The following TMEM169 variants were observed in gnomAD, a reference collection of about 807,000 sequenced individuals.
The protein encoded by TMEM169 is transmembrane protein 169.
In TMEM169, 18 loss-of-function variants were observed where a neutral mutation model predicts 27.3. The ratio of observed to expected loss-of-function variants is 0.66; its 90% CI spans 0.46 to 0.98. The LOEUF (loss-of-function observed/expected upper bound fraction) is 0.98. TMEM169 is among the 50% of genes least tolerant of loss of function. The pLI, the probability that TMEM169 is intolerant of heterozygous loss-of-function variation, is 0.00. For missense variants in TMEM169, 320 were observed against 368.6 expected (o/e 0.87, Z 1.08); for synonymous variants, 136 against 142.1 (o/e 0.96, Z 0.30).
At chr2:216,096,518 C>A (rs1696268326) in intron 2 of TMEM169, among the ~76,000 whole-genome samples, 1 of 152,130 alleles carries the variant, frequency 6.6e-6, no homozygotes, top group African/African-American at 2.4e-5. Context: ...GCATGTGCCA[C>A]CATGCCGGGC....
intron 1 of TMEM169, among the ~76,000 whole-genome samples, chr2:216,085,793 C>A (rs1003379213): frequency 6.6e-6 from 1 of 151,826 alleles, no homozygotes; most frequent in Admixed American, 6.6e-5. Flanking sequence ...ATCGCTTAAA[C>A]CCAGGAGGCA....
At chr2:216,087,098 GA>G (rs1169771343) in intron 1 of TMEM169, among the ~76,000 whole-genome samples, 2 of 152,136 alleles carry the variant, frequency 1.3e-5, no homozygotes, top group African/African-American at 4.8e-5. Context: ...AGCCAGGCTT[GA>G]AAGATGTGGA....
In TMEM169 at chr2:216,095,983, T is replaced by C. The variant is rs1696253029; in HGVS notation, c.20T>C (p.Val7Ala). The C allele has an allele frequency of 1.9e-6, 3 of 1,613,518 alleles. No homozygotes were observed. The highest frequency in any genetic ancestry group is 2.7e-5 in the African/African-American group (2 of 74,882). The change falls in exon 2 of 3, where the codon GTA becomes GCA. Residue 7 changes from valine to alanine, a missense_variant. By Grantham distance (64) the Val-to-Ala change is moderately conservative (BLOSUM62 0). Coordinates refer to ENST00000437356, the MANE Select transcript of TMEM169 (RefSeq NM_001142311.2). MEEPTA[V>A]EGQVQLPSPH... ...TCTGGAATGGAAGAGCCAACAGCAG[T>C]AGAAGGCCAGGTCCAGCTTCCAAGC...
In TMEM169 at chr2:216,100,189, T is replaced by C. The variant is rs759326769; in HGVS notation, c.541T>C (p.Tyr181His). The change falls in exon 3 of 3, where the codon TAC becomes CAC. Residue 181 changes from tyrosine to histidine, a missense_variant. Physicochemically the swap from Tyr to His is moderately conservative, Grantham distance 83. Coordinates refer to ENST00000437356, the MANE Select transcript of TMEM169 (RefSeq NM_001142311.2). ...VFILSFVVSF[Y>H]YGTITWYNIF... Reference sequence around the variant, plus strand: ...CATCCTTTCTTTTGTTGTCTCTTTCTACTACGGCACTATCACCTGGTACAA... The same window carrying C: ...CATCCTTTCTTTTGTTGTCTCTTTCCACTACGGCACTATCACCTGGTACAA... 2.5e-6 allele frequency: 4 copies of C among 1,613,898 alleles called. 1 individual carries two copies. The highest frequency in any genetic ancestry group is 3.4e-6 in the Non-Finnish European group (4 of 1,180,022).
intron 1 of TMEM169, among the ~76,000 whole-genome samples, chr2:216,083,888 A>ATTTT (rs1240537171): frequency 6.6e-6 from 1 of 152,184 alleles, no homozygotes; most frequent in Non-Finnish European, 1.5e-5. Flanking sequence ...CCAGGCCAAA[A>ATTTT]GGCCTGGAAG....
chr2:216,085,297 T>C (rs1478542686), intron 1 of TMEM169, among the ~76,000 whole-genome samples: 2 of 151,958 alleles, frequency 1.3e-5, no homozygotes, highest in African/African-American at 4.8e-5. Context: ...TGTAATCTCA[T>C]CTACTCGGTA....
intron 1 of TMEM169, among the ~76,000 whole-genome samples, chr2:216,086,422 G>T (rs1442239288): frequency 6.6e-6 from 1 of 152,112 alleles, no homozygotes; most frequent in Non-Finnish European, 1.5e-5. Flanking sequence ...AACTGCCAGA[G>T]AAAAGAACAA....
chr2:216,100,268 GC>G lies in TMEM169; in HGVS notation c.623del (p.Pro208LeufsTer85). On this transcript the variant is annotated frameshift_variant, in exon 3 of 3. Transcript: ENST00000437356. LOFTEE classifies it high-confidence loss of function. Reference sequence around the variant, plus strand: ...ACCTTCTGGCACAAGATCTCGTATTGCCCTTGCCTCGTTCTCTTCTATCCAG... The same window carrying G: ...ACCTTCTGGCACAAGATCTCGTATTGCCTTGCCTCGTTCTCTTCTATCCAG... Reference protein sequence around the residue: ...ERTFWHKISYCPCLVLFYPVL... With the variant: ...ERTFWHKISYXPCLVLFYPVL... 6.2e-7 allele frequency: 1 copy of G among 1,613,414 alleles called. No homozygotes were observed. Among genetic ancestry groups the G allele is most frequent in the Non-Finnish European group, 8.5e-7 (1 of 1,179,878 alleles).
chr2:216,096,947 T>C (rs74930405), intron 2 of TMEM169, among the ~76,000 whole-genome samples: 2 of 152,346 alleles, frequency 1.3e-5, no homozygotes, highest in African/African-American at 4.8e-5. Flanking sequence ...ATAGTATTCC[T>C]TCACATGTAG....
At chr2:216,096,884 T>C (rs1203634141) in intron 2 of TMEM169, among the ~76,000 whole-genome samples, 1 of 152,204 alleles carries the variant, frequency 6.6e-6, no homozygotes, top group South Asian at 2.1e-4. Context: ...AAGAAAATTA[T>C]GAGAAAATTT....
chr2:216,095,319 C>G (rs1276494401), intron 1 of TMEM169, among the ~76,000 whole-genome samples: 1 of 151,852 alleles, frequency 6.6e-6, no homozygotes, highest in Non-Finnish European at 1.5e-5. Flanking sequence ...AACTCCTGAC[C>G]TCAGGTGATC....
intron 1 of TMEM169, 99 bp from the exon 2 acceptor site, chr2:216,095,739 G>C: frequency 2.0e-6 from 1 of 493,886 alleles, no homozygotes; most frequent in Non-Finnish European, 3.6e-6. Context: ...GAAGTAAAGG[G>C]AGAGGAAGGC....
chr2:216,084,181 C>T (rs962792361), intron 1 of TMEM169, among the ~76,000 whole-genome samples: 21 of 151,996 alleles, frequency 1.4e-4, no homozygotes, highest in African/African-American at 5.1e-4. Flanking sequence ...CTCCCCCACC[C>T]CATCTGCCTG....
chr2:216,095,833 T>C lies in TMEM169; in HGVS notation c.-126-5T>C, dbSNP rs1292061226. ...TGTTGATGGCTTTGCTTTCCTATCT[T>C]TCAGGTGGAATGCATCCTTGGGACA... On this transcript the variant is annotated splice_region_variant and splice_polypyrimidine_tract_variant and intron_variant, in intron 1 of 2. Transcript: ENST00000437356. The C allele has an allele frequency of 1.1e-5, 12 of 1,106,022 alleles. 1 individual carries two copies. In the Admixed American group the frequency reaches 3.3e-4, roughly 31 times the overall value. The allele number at this position is 1,106,022 out of a possible 1,614,324, so 68.5% of individuals were successfully genotyped here.
intron 1 of TMEM169, among the ~76,000 whole-genome samples, chr2:216,091,383 C>T (rs11673936): frequency 0.31 from 47,484 of 151,734 alleles, 8,050 homozygotes; most frequent in East Asian, 0.67. Flanking sequence ...ATGGCGAAAC[C>T]CCATCTCTAC....
Position 216,096,151 on chromosome 2 carries a change from A to G in TMEM169, c.188A>G (p.Asp63Gly), listed in dbSNP as rs112190947. ...IIYRSDNEKTDEEPGESEGGD... is the reference protein window; with the variant it reads ...IIYRSDNEKTGEEPGESEGGD... ...TACCGCTCAGACAATGAGAAAACAG[A>G]TGAGGAGCCCGGAGAATCAGAAGGT... The change falls in exon 2 of 3, where the codon GAT becomes GGT. Residue 63 changes from aspartate to glycine, a missense_variant. By Grantham distance (94) the Asp-to-Gly change is moderately conservative (BLOSUM62 -1). Coordinates refer to ENST00000437356, the MANE Select transcript of TMEM169 (RefSeq NM_001142311.2). 6.2e-7 allele frequency: 1 copy of G among 1,614,154 alleles called. No homozygotes were observed. Among genetic ancestry groups the G allele is most frequent in the Non-Finnish European group, 8.5e-7 (1 of 1,180,026 alleles).
At chr2:216,087,921 G>C (rs1463748293) in intron 1 of TMEM169, among the ~76,000 whole-genome samples, 1 of 152,174 alleles carries the variant, frequency 6.6e-6, no homozygotes, top group African/African-American at 2.4e-5. Flanking sequence ...CACTTTGGGA[G>C]GCCGAGGCAG....
rs1696364830 is a variant in TMEM169, at chr2:216,100,309, A to G, written c.661A>G (p.Met221Val). 1.2e-6 allele frequency: 2 copies of G among 1,613,588 alleles called. No individual in the cohort carries two copies. The highest frequency in any genetic ancestry group is 2.7e-5 in the African/African-American group (2 of 74,744). Residue 221 changes from methionine (M) to valine (V), a missense_variant, in exon 3 of 3, where the codon ATG (methionine) becomes GTG (valine). Met to Val is a conservative substitution (Grantham distance 21). Coordinates refer to ENST00000437356, the MANE Select transcript of TMEM169 (RefSeq NM_001142311.2). ...CTTCTATCCAGTGCTCATCATGGCC[A>G]TGGCTTCTTCCCTCGGCCTCTACGC... ...VLFYPVLIMA[M>V]ASSLGLYAAV... is the part of the protein sequence containing the mutation.
rs1696384278 is a variant in TMEM169, at chr2:216,101,021, A to G, written c.*479A>G. On this transcript the variant is annotated 3_prime_UTR_variant, in exon 3 of 3. Transcript: ENST00000437356. ...ATCATTTAGATTTAGATTTAGCTGC[A>G]TAGAATTAAAACCCTAAAATATCAG... 1 of 186,700 alleles carries G rather than the reference A, an allele frequency of 5.4e-6. No homozygotes were observed. The highest frequency in any genetic ancestry group is 5.3e-5 in the Admixed American group (1 of 18,852). The allele number at this position is 186,700 out of a possible 1,614,324, so 11.6% of individuals were successfully genotyped here.
Sources: gnomAD v4.1 joint callset for allele counts (sites outside exome capture counted in the v4.1 genomes callset) on GRCh38, gnomAD v4.1.1 for gene constraint, MANE v1.5 for transcripts, NCBI Gene and HGNC (gene_info 2026-07-23, HGNC 2026-07-21) for gene names.